The following TUSC3 variants were observed in gnomAD, a reference collection of about 807,000 sequenced individuals.
TUSC3 encodes the protein dolichyl-diphosphooligosaccharide--protein glycosyltransferase subunit TUSC3.
Under a neutral mutation model 44.8 loss-of-function variants are expected in TUSC3, and 45 were observed. The observed-to-expected ratio is 1.00, with a 90% CI of 0.79 to 1.29. The LOEUF (loss-of-function observed/expected upper bound fraction) is 1.29. Ranked by LOEUF, TUSC3 falls within the 50% of genes most tolerant of loss-of-function variation. The probability of loss-of-function intolerance (pLI) is 0.00; values close to 1 mark genes in which losing one functional copy is unlikely to be tolerated. For synonymous variants in TUSC3, 212 were observed against 152.9 expected, an observed-to-expected ratio of 1.39 and a Z score of -2.85; for missense variants, 519 against 437.9, an observed-to-expected ratio of 1.19 and a Z score of -1.65.
intron 2 of TUSC3, among the ~76,000 whole-genome samples, chr8:15,498,669 G>T (rs894032347): frequency 6.6e-6 from 1 of 152,176 alleles, no homozygotes; most frequent in Non-Finnish European, 1.5e-5. Flanking sequence ...TGCCTTCTTA[G>T]TCAAGCTCAG....
At chr8:15,752,348 G>C (rs80227344) in intron 9 of TUSC3, among the ~76,000 whole-genome samples, 3,443 of 152,130 alleles carry the variant, frequency 0.023, 131 homozygotes, top group African/African-American at 0.077. Context: ...GCCTTAATAT[G>C]TACTACTCAA....
At chr8:15,664,603 C>T (rs1442603200) in intron 5 of TUSC3, among the ~76,000 whole-genome samples, 1 of 149,510 alleles carries the variant, frequency 6.7e-6, no homozygotes, top group East Asian at 2.0e-4. Flanking sequence ...CAATAAAAGG[C>T]TGCAGAGAAC....
At chr8:15,508,351 G>A (rs188913372) in intron 2 of TUSC3, among the ~76,000 whole-genome samples, 4 of 150,484 alleles carry the variant, frequency 2.7e-5, no homozygotes, top group Admixed American at 2.6e-4. Flanking sequence ...TGAAGAACAA[G>A]AGAAATGAAT....
At chr8:15,438,572 T>C (rs1214936218) in intron 1 of TUSC3, among the ~76,000 whole-genome samples, 1 of 152,168 alleles carries the variant, frequency 6.6e-6, no homozygotes, top group Admixed American at 6.5e-5. Context: ...AAGGCCAATC[T>C]ACTAATACTA....
chr8:15,480,291 T>G (rs1423374343), intron 1 of TUSC3, among the ~76,000 whole-genome samples: 1 of 152,210 alleles, frequency 6.6e-6, no homozygotes, highest in Non-Finnish European at 1.5e-5. Context: ...TATTCCCATT[T>G]AACTACCACT....
At position 15,492,766 on chromosome 8, in the gene TUSC3, G is replaced by A. The variant is rs185552180; in HGVS notation, n.189+9283G>A. On this transcript the variant is annotated intron_variant and non_coding_transcript_variant, in intron 2 of 5. Coordinates refer to the TUSC3 transcript ENST00000503191. ...TGCCTGGGCAATATAGTGAGATCCCGTTCTCCATAAAAAGGAAAAAAAAAA... is the reference window on the plus strand; with the variant it reads ...TGCCTGGGCAATATAGTGAGATCCCATTCTCCATAAAAAGGAAAAAAAAAA... 1.4e-4 allele frequency among the ~76,000 whole-genome samples: 21 copies of A among 148,774 alleles called. No homozygotes were observed. The East Asian group carries it at 1.6e-3, about 11-fold the overall frequency.
intron 1 of TUSC3, among the ~76,000 whole-genome samples, chr8:15,598,427 G>C (rs1413462177): frequency 6.6e-6 from 1 of 151,714 alleles, no homozygotes; most frequent in Non-Finnish European, 1.5e-5. Flanking sequence ...TACCAATGTG[G>C]TACATTTGTT....
chr8:15,773,766 T>C, the TUSC3 span, among the ~76,000 whole-genome samples: 3 of 152,148 alleles, frequency 2.0e-5, no homozygotes, highest in Non-Finnish European at 4.4e-5. Flanking sequence ...TAGAATGGAA[T>C]TGGGAATCCA....
chr8:15,766,425 CCAGTGT>C lies in TUSC3; in HGVS notation c.*2272_*2277del, dbSNP rs1460647146. On this transcript the variant is annotated 3_prime_UTR_variant, in exon 11 of 11. Coordinates refer to ENST00000503731, the MANE Select transcript of TUSC3 (RefSeq NM_006765.4). ...ATTTGTACCTGGTATGTTATATCCTCCAGTGTCACTTTTTAACCAGATTCACTGTGC... is the reference window on the plus strand; with the variant it reads ...ATTTGTACCTGGTATGTTATATCCTCCACTTTTTAACCAGATTCACTGTGC... 1 of 152,066 alleles carries C rather than the reference CCAGTGT, an allele frequency of 6.6e-6. No homozygotes were observed. Among genetic ancestry groups the C allele is most frequent in the Non-Finnish European group, 1.5e-5 (1 of 67,990 alleles). 9.4% of individuals were successfully genotyped at this position (152,066 alleles called of 1,614,324 possible).
intron 5 of TUSC3, among the ~76,000 whole-genome samples, chr8:15,669,979 A>T (rs1286930173): frequency 6.9e-6 from 1 of 145,162 alleles, no homozygotes; most frequent in Non-Finnish European, 1.5e-5. Context: ...ATGATGATTC[A>T]TGTCATAATG....
At chr8:15,776,568 T>C in the TUSC3 span, among the ~76,000 whole-genome samples, 1 of 152,152 alleles carries the variant, frequency 6.6e-6, no homozygotes, top group Non-Finnish European at 1.5e-5. Flanking sequence ...AACTTCATTG[T>C]GTTACTAATA....
intron 1 of TUSC3, among the ~76,000 whole-genome samples, chr8:15,432,145 C>G (rs1006222711): frequency 4.0e-5 from 6 of 151,856 alleles, no homozygotes; most frequent in African/African-American, 1.2e-4. Flanking sequence ...TGGAAGTGTT[C>G]CTCCTCCTCA....
At chr8:15,659,829 A>C (rs1807339302) in intron 4 of TUSC3, among the ~76,000 whole-genome samples, 182 bp downstream of exon 4, 1 of 152,116 alleles carries the variant, frequency 6.6e-6, no homozygotes, top group Admixed American at 6.6e-5. Context: ...ATGCTTTTTA[A>C]AATAGTGGTT....
intron 6 of TUSC3, among the ~76,000 whole-genome samples, chr8:15,703,954 C>T (rs1390934138): frequency 6.6e-6 from 1 of 152,056 alleles, no homozygotes; most frequent in Non-Finnish European, 1.5e-5. Flanking sequence ...TGGCTTGGCG[C>T]ACTGCAAAAT....
the TUSC3 span, among the ~76,000 whole-genome samples, chr8:15,809,294 G>C: frequency 2.0e-5 from 3 of 152,138 alleles, no homozygotes; most frequent in Non-Finnish European, 4.4e-5. Context: ...ACAAAACATA[G>C]TTACTTGTCC....
chr8:15,649,588 G>T (rs980903073), intron 2 of TUSC3, among the ~76,000 whole-genome samples: 6 of 127,464 alleles, frequency 4.7e-5, no homozygotes, highest in Non-Finnish European at 8.5e-5. Flanking sequence ...CGTCTCAAAA[G>T]AAAAAAAAAA....
Position 15,567,972 on chromosome 8 carries a change from C to G in TUSC3, c.138+27404C>G, listed in dbSNP as rs1413081077. ...CTGTAGGCCTCCACTCCTTTTTCTC[C>G]TCTTTGTTTTCATGTTAACAACCCC... On this transcript the variant is annotated intron_variant, in intron 1 of 10. Coordinates refer to ENST00000503731, the MANE Select transcript of TUSC3 (RefSeq NM_006765.4). 8.5e-5 allele frequency among the ~76,000 whole-genome samples: 13 copies of G among 152,146 alleles called. No individual in the cohort carries two copies. In the East Asian group the frequency reaches 2.5e-3, roughly 29 times the overall value.
At chr8:15,748,521 T>A (rs1811522156) in intron 9 of TUSC3, 56 bp downstream of exon 9, 1 of 1,377,332 alleles carries the variant, frequency 7.3e-7, no homozygotes, top group Non-Finnish European at 1.0e-6. Context: ...GAACAGAGTT[T>A]CAGTGGTTAA....
At chr8:15,444,971 C>T (rs1225908420) in intron 1 of TUSC3, among the ~76,000 whole-genome samples, 2 of 152,070 alleles carry the variant, frequency 1.3e-5, no homozygotes, top group Admixed American at 1.3e-4. Flanking sequence ...AGGAGAAGGA[C>T]AAGCTGGGAA....
Sources: gnomAD v4.1 joint callset for allele counts (sites outside exome capture counted in the v4.1 genomes callset) on GRCh38, gnomAD v4.1.1 for gene constraint, MANE v1.5 for transcripts, NCBI Gene and HGNC (gene_info 2026-07-23, HGNC 2026-07-21) for gene names.